CCDC91: variants seen among roughly 807,000 people sequenced by gnomAD.
CCDC91 encodes coiled-coil domain-containing protein 91.
In CCDC91, 48 loss-of-function variants were observed where a neutral mutation model predicts 63.2. That is an observed-to-expected ratio of 0.76 (90% CI 0.60 to 0.97). The LOEUF (loss-of-function observed/expected upper bound fraction) is 0.97. CCDC91 is among the 50% of genes least tolerant of loss of function. The pLI is 0.00. For missense variants in CCDC91, 500 were observed against 494.6 expected (o/e 1.01, Z -0.10); for synonymous variants, 167 against 165.8 (o/e 1.01, Z -0.06).
intron 6 of CCDC91, among the ~76,000 whole-genome samples, chr12:28,356,371 T>A (rs1943527500): frequency 6.6e-6 from 1 of 152,046 alleles, no homozygotes; most frequent in Non-Finnish European, 1.5e-5. Context: ...TATGGTATAA[T>A]CTTATCTTTT....
At chr12:28,517,867 A>G (rs1362252292) in intron 12 of CCDC91, among the ~76,000 whole-genome samples, 10 of 151,954 alleles carry the variant, frequency 6.6e-5, no homozygotes, top group Non-Finnish European at 2.9e-5. Flanking sequence ...GCTCCCACTT[A>G]TGAGTGACAA....
intron 12 of CCDC91, among the ~76,000 whole-genome samples, chr12:28,532,584 A>T (rs1388547588): frequency 4.6e-5 from 7 of 152,076 alleles, no homozygotes; most frequent in Admixed American, 4.6e-4. Flanking sequence ...AAAATTTTCT[A>T]GTTAATATGT....
At chr12:28,367,780 AT>A (rs879530401) in intron 7 of CCDC91, among the ~76,000 whole-genome samples, 298 of 148,692 alleles carry the variant, frequency 2.0e-3, no homozygotes, top group Admixed American at 2.6e-3. Flanking sequence ...TTTTGTGAGG[AT>A]TTTTTTTTTT....
intron 3 of CCDC91, among the ~76,000 whole-genome samples, chr12:28,284,075 G>A (rs1187981012): frequency 6.6e-6 from 1 of 152,012 alleles, no homozygotes; most frequent in East Asian, 1.9e-4. Context: ...TATAAGGATA[G>A]CACTCTTTCT....
At chr12:28,295,848 T>C (rs1340885331) in intron 3 of CCDC91, among the ~76,000 whole-genome samples, 1 of 152,034 alleles carries the variant, frequency 6.6e-6, no homozygotes, top group Non-Finnish European at 1.5e-5. Flanking sequence ...GCTTAAGGTG[T>C]GATATAATTT....
intron 7 of CCDC91, among the ~76,000 whole-genome samples, chr12:28,379,449 T>A (rs1945148727): frequency 7.4e-6 from 1 of 135,336 alleles, no homozygotes; most frequent in African/African-American, 2.8e-5. Flanking sequence ...TCAAACAAAT[T>A]TACAAAAAAA....
intron 6 of CCDC91, among the ~76,000 whole-genome samples, chr12:28,318,629 A>G (rs1228667203): frequency 6.6e-6 from 1 of 151,978 alleles, no homozygotes; most frequent in Non-Finnish European, 1.5e-5. Flanking sequence ...AAATGCCAAG[A>G]ATTGGAGGCA....
chr12:28,450,914 G>C (rs1949774139), intron 10 of CCDC91, among the ~76,000 whole-genome samples: 1 of 151,596 alleles, frequency 6.6e-6, no homozygotes, highest in African/African-American at 2.4e-5. Context: ...CTATGCCAGG[G>C]TTAAATTCAA....
At chr12:28,274,061 C>A (rs1308930086) in intron 3 of CCDC91, among the ~76,000 whole-genome samples, 1 of 152,142 alleles carries the variant, frequency 6.6e-6, no homozygotes, top group East Asian at 1.9e-4. Context: ...CTGCATATGG[C>A]TAGCTGGTTT....
chr12:28,269,062 T>C (rs1168989416), intron 3 of CCDC91, among the ~76,000 whole-genome samples: 1 of 152,156 alleles, frequency 6.6e-6, no homozygotes, highest in Non-Finnish European at 1.5e-5. Flanking sequence ...CTGACAGATA[T>C]GCCCTATGCA....
intron 6 of CCDC91, among the ~76,000 whole-genome samples, chr12:28,314,850 T>C (rs2137253550): frequency 6.6e-6 from 1 of 152,110 alleles, no homozygotes; most frequent in African/African-American, 2.4e-5. Context: ...CCCATCCTCT[T>C]CATAGGCCTT....
chr12:28,442,160 A>G (rs1949259893), intron 8 of CCDC91, among the ~76,000 whole-genome samples: 1 of 152,116 alleles, frequency 6.6e-6, no homozygotes, highest in South Asian at 2.1e-4. Context: ...CACAAACAAA[A>G]GAGGAATTAC....
At chr12:28,406,263 G>A (rs1186501917) in intron 8 of CCDC91, among the ~76,000 whole-genome samples, 1 of 149,694 alleles carries the variant, frequency 6.7e-6, no homozygotes, top group Non-Finnish European at 1.5e-5. Context: ...TTTCTTGCGA[G>A]CCTGTTCTTC....
intron 8 of CCDC91, among the ~76,000 whole-genome samples, chr12:28,400,637 A>G (rs992201624): frequency 5.3e-5 from 8 of 152,152 alleles, no homozygotes; most frequent in Non-Finnish European, 1.2e-4. Context: ...ATTCCAAACC[A>G]TATCTTTGTG....
chr12:28,471,697 A>G (rs1461101549), intron 11 of CCDC91, among the ~76,000 whole-genome samples: 2 of 152,084 alleles, frequency 1.3e-5, no homozygotes, highest in African/African-American at 4.8e-5. Flanking sequence ...ACTCATAATA[A>G]TTATTTACTC....
intron 6 of CCDC91, among the ~76,000 whole-genome samples, chr12:28,310,239 A>T (rs1939179117): frequency 6.6e-6 from 1 of 152,036 alleles, no homozygotes; most frequent in Non-Finnish European, 1.5e-5. Context: ...CTTTAGTGAG[A>T]CATACATCTT....
Position 28,317,106 on chromosome 12 carries a change from C to T in CCDC91, c.576+9357C>T, listed in dbSNP as rs532951132. Among the ~76,000 whole-genome samples, 15 of 152,036 alleles carry T rather than the reference C, an allele frequency of 9.9e-5. 1 individual carries two copies. The highest frequency in any genetic ancestry group is 6.6e-4 in the Admixed American group (10 of 15,238). On this transcript the variant is annotated intron_variant, in intron 6 of 12. Transcript: ENST00000536442. The stretch of plus-strand genomic sequence containing the variant: ...CTGTCTGATGTCCTGTTACTTTTAC[C>T]TTTTTTCCTGCACAGATTCGGATGC...
chr12:28,264,815 C>A (rs1170803753), intron 3 of CCDC91, among the ~76,000 whole-genome samples: 4 of 151,662 alleles, frequency 2.6e-5, no homozygotes, highest in African/African-American at 9.7e-5. Context: ...TAAATTAATT[C>A]TTTGGTTTGT....
At chr12:28,494,995 C>T (rs1952203620) in intron 12 of CCDC91, among the ~76,000 whole-genome samples, 1 of 151,724 alleles carries the variant, frequency 6.6e-6, no homozygotes, top group Non-Finnish European at 1.5e-5. Flanking sequence ...AAACTTCATT[C>T]ACCATTTGAT....
Sources: gnomAD v4.1 joint callset for allele counts (sites outside exome capture counted in the v4.1 genomes callset) on GRCh38, gnomAD v4.1.1 for gene constraint, MANE v1.5 for transcripts, NCBI Gene and HGNC (gene_info 2026-07-23, HGNC 2026-07-21) for gene names.